The following MAF variants were observed in gnomAD, a reference collection of about 807,000 sequenced individuals.
The protein encoded by MAF is transcription factor Maf.
A neutral mutation model predicts 22.0 loss-of-function variants in MAF; 10 were observed. The observed-to-expected ratio is 0.45, with a 90% CI of 0.28 to 0.77. The LOEUF (loss-of-function observed/expected upper bound fraction) is 0.77, where lower values mean the gene tolerates loss of function less well. Among genes scored for constraint, MAF ranks in the 30% least tolerant of loss-of-function variants. MAF has a pLI of 0.12. For missense variants in MAF, 544 were observed against 548.4 expected, an observed-to-expected ratio of 0.99 and a Z score of 0.08; for synonymous variants, 337 against 255.8, an observed-to-expected ratio of 1.32 and a Z score of -3.03.
the MAF span, among the ~76,000 whole-genome samples, chr16:79,366,799 A>C: frequency 6.6e-6 from 1 of 152,242 alleles, no homozygotes; most frequent in Non-Finnish European, 1.5e-5. Context: ...ATAAGCCAAC[A>C]TTTATTTAAG....
At chr16:79,207,597 C>T in the MAF span, among the ~76,000 whole-genome samples, 1 of 152,178 alleles carries the variant, frequency 6.6e-6, no homozygotes, top group Non-Finnish European at 1.5e-5. Context: ...ATAGATATGC[C>T]ATGATATTGT....
the MAF span, among the ~76,000 whole-genome samples, chr16:79,290,191 C>A: frequency 6.6e-6 from 1 of 152,098 alleles, no homozygotes; most frequent in South Asian, 2.1e-4. Flanking sequence ...TCCAAAACCC[C>A]ATGGGAGGGA....
the MAF span, among the ~76,000 whole-genome samples, chr16:79,420,246 T>G: frequency 6.6e-6 from 1 of 152,212 alleles, no homozygotes; most frequent in East Asian, 1.9e-4. Context: ...TGTTCTTGTA[T>G]GGCGAACAAA....
chr16:79,296,797 G>C, the MAF span, among the ~76,000 whole-genome samples: 3 of 152,058 alleles, frequency 2.0e-5, no homozygotes, highest in African/African-American at 7.2e-5. Context: ...TTCTCTTCCA[G>C]ACCACCTAGC....
At chr16:79,319,284 T>A in the MAF span, among the ~76,000 whole-genome samples, 88,736 of 152,078 alleles carry the variant, frequency 0.58, 28,360 homozygotes, top group South Asian at 0.74. Context: ...AAGATGAACT[T>A]TAAGCGGGGG....
At chr16:79,467,773 C>T in the MAF span, among the ~76,000 whole-genome samples, 1 of 152,240 alleles carries the variant, frequency 6.6e-6, no homozygotes, top group East Asian at 1.9e-4. Context: ...TGAACCACTG[C>T]TCTAAGTGTT....
the MAF span, among the ~76,000 whole-genome samples, chr16:79,276,876 G>T: frequency 6.6e-6 from 1 of 152,102 alleles, no homozygotes; most frequent in Non-Finnish European, 1.5e-5. Context: ...TCCTTTCAAG[G>T]CTCCAGGGGA....
chr16:79,415,638 C>T, the MAF span, among the ~76,000 whole-genome samples: 1 of 151,934 alleles, frequency 6.6e-6, no homozygotes, highest in African/African-American at 2.4e-5. Context: ...CCTATGGTTG[C>T]CTCGGGGCCA....
At chr16:79,227,470 T>C in the MAF span, among the ~76,000 whole-genome samples, 10 of 152,078 alleles carry the variant, frequency 6.6e-5, no homozygotes, top group South Asian at 1.9e-3. Context: ...AACAAGAGAC[T>C]TTTTTTCCAC....
At chr16:79,587,872 G>C (rs1021823875) in intron 1 of MAF, among the ~76,000 whole-genome samples, 4 of 130,988 alleles carry the variant, frequency 3.1e-5, no homozygotes, top group Non-Finnish European at 4.6e-5. Context: ...TTTCAAAAGG[G>C]GGGGGGGGGT....
the MAF span, among the ~76,000 whole-genome samples, chr16:79,452,256 A>G: frequency 2.0e-5 from 3 of 152,238 alleles, no homozygotes; most frequent in African/African-American, 7.2e-5. Context: ...TATATAAAAC[A>G]AGCTATTAAC....
At chr16:79,212,057 T>G in the MAF span, 2 of 1,536,428 alleles carry the variant, frequency 1.3e-6, no homozygotes, top group Non-Finnish European at 1.7e-6. Context: ...AGTAAAAACC[T>G]GCTTGGTGTG....
chr16:79,592,024 C>T (rs1364494927), downstream of MAF, among the ~76,000 whole-genome samples: 1 of 152,228 alleles, frequency 6.6e-6, no homozygotes, highest in African/African-American at 2.4e-5. Context: ...CACACTAGGT[C>T]TGACGTTAGC....
At chr16:79,537,089 C>T in the MAF span, among the ~76,000 whole-genome samples, 11 of 152,258 alleles carry the variant, frequency 7.2e-5, no homozygotes, top group African/African-American at 2.6e-4. Context: ...AATGTCTGCA[C>T]GTCTGTGAGA....
chr16:79,226,300 G>A, the MAF span, among the ~76,000 whole-genome samples: 8 of 152,114 alleles, frequency 5.3e-5, no homozygotes, highest in Non-Finnish European at 7.3e-5. Flanking sequence ...AACACTGTAC[G>A]TTCTGACTCA....
chr16:79,538,680 T>C, the MAF span, among the ~76,000 whole-genome samples: 134,886 of 152,008 alleles, frequency 0.89, 60,450 homozygotes, highest in South Asian at 0.98. Flanking sequence ...AGAAATCACC[T>C]GGGAACATGG....
chr16:79,360,658 A>T, the MAF span, among the ~76,000 whole-genome samples: 1 of 152,056 alleles, frequency 6.6e-6, no homozygotes, highest in Non-Finnish European at 1.5e-5. Flanking sequence ...GGTCAACCAG[A>T]CTCAGTCTAT....
chr16:79,380,011 G>A, the MAF span, among the ~76,000 whole-genome samples: 5 of 152,160 alleles, frequency 3.3e-5, no homozygotes, highest in Admixed American at 1.3e-4. Context: ...TCTGCTTCAA[G>A]GTCCAGGTAA....
At chr16:79,244,850 T>C in the MAF span, among the ~76,000 whole-genome samples, 1 of 152,036 alleles carries the variant, frequency 6.6e-6, no homozygotes, top group Non-Finnish European at 1.5e-5. Flanking sequence ...AACAGCCTGG[T>C]ACTGGTACCA....
Sources: gnomAD v4.1 joint callset for allele counts (sites outside exome capture counted in the v4.1 genomes callset) on GRCh38, gnomAD v4.1.1 for gene constraint, MANE v1.5 for transcripts, NCBI Gene and HGNC (gene_info 2026-07-23, HGNC 2026-07-21) for gene names.